RABGEF1: variants seen among roughly 807,000 people sequenced by gnomAD.
RABGEF1 encodes the protein RAB guanine nucleotide exchange factor 1.
Under a neutral mutation model 57.3 loss-of-function variants are expected in RABGEF1, and 26 were observed. The ratio of observed to expected loss-of-function variants is 0.45; its 90% CI spans 0.33 to 0.63. RABGEF1 has a LOEUF of 0.63. Ranked by LOEUF, RABGEF1 falls within the 20% of genes least tolerant of loss-of-function variation. The pLI, the probability that RABGEF1 is intolerant of heterozygous loss-of-function variation, is 0.02. For missense variants in RABGEF1, 464 were observed against 607.6 expected, an observed-to-expected ratio of 0.76 and a Z score of 2.48; for synonymous variants, 185 against 210.7, an observed-to-expected ratio of 0.88 and a Z score of 1.06.
At chr7:66,700,264 C>T (rs1356461072) in intron 1 of RABGEF1, among the ~76,000 whole-genome samples, 3 of 152,396 alleles carry the variant, frequency 2.0e-5, no homozygotes, top group African/African-American at 4.8e-5. Context: ...GACAGCCCTA[C>T]TGGGCCGGAG....
chr7:66,681,990 A>G (rs1789786873), upstream of RABGEF1, among the ~76,000 whole-genome samples: 1 of 152,226 alleles, frequency 6.6e-6, no homozygotes, highest in Non-Finnish European at 1.5e-5. Flanking sequence ...CTTGGGCGTC[A>G]GAGCGGCACC....
rs538257963 is a variant in RABGEF1, at chr7:66,714,611, G to A, written c.-815+2387G>A. On this transcript the variant is annotated intron_variant and NMD_transcript_variant, in intron 2 of 9. Transcript: ENST00000607882. ...ACTTCCTTCTTTGTGCTTACCTTGG[G>A]TTGATTTTACTCTTTTTATAGTTTC... Among the ~76,000 whole-genome samples, 533 of 152,166 alleles carry A rather than the reference G, an allele frequency of 3.5e-3. 1 individual carries two copies. Among genetic ancestry groups the A allele is most frequent in the Non-Finnish European group, 5.9e-3 (398 of 68,004 alleles).
intron 2 of RABGEF1, among the ~76,000 whole-genome samples, chr7:66,718,777 A>G (rs1215006171): frequency 6.6e-6 from 1 of 152,200 alleles, no homozygotes; most frequent in Non-Finnish European, 1.5e-5. Flanking sequence ...TTAGGATCAA[A>G]TGCACACACA....
intron 7 of RABGEF1, among the ~76,000 whole-genome samples, chr7:66,799,947 T>C (rs1458432694): frequency 7.2e-5 from 11 of 152,210 alleles, no homozygotes; most frequent in Admixed American, 5.9e-4. Flanking sequence ...ACTGCCGTTC[T>C]AGACAGGTCC....
intron 1 of RABGEF1, among the ~76,000 whole-genome samples, chr7:66,684,212 G>A (rs766634687): frequency 6.6e-6 from 1 of 152,074 alleles, no homozygotes; most frequent in Non-Finnish European, 1.5e-5. Context: ...TTGGGAGGCC[G>A]AGGCGGTTGG....
the RABGEF1 span, among the ~76,000 whole-genome samples, chr7:66,671,244 C>T: frequency 6.6e-6 from 1 of 152,108 alleles, no homozygotes; most frequent in South Asian, 2.1e-4. Flanking sequence ...TCACCAGTGC[C>T]ATCATAGCTC....
intron 1 of RABGEF1, among the ~76,000 whole-genome samples, chr7:66,746,699 C>G (rs927139471): frequency 6.9e-6 from 1 of 145,286 alleles, no homozygotes; most frequent in Non-Finnish European, 1.5e-5. Flanking sequence ...TCTCTACTCA[C>G]TGCAACTTCC....
intron 1 of RABGEF1, among the ~76,000 whole-genome samples, chr7:66,691,086 A>G (rs1424093175): frequency 6.6e-6 from 1 of 152,084 alleles, no homozygotes; most frequent in Non-Finnish European, 1.5e-5. Context: ...GCGAGCCTCC[A>G]TCTCAAAAAA....
the RABGEF1 span, among the ~76,000 whole-genome samples, chr7:66,671,745 C>T: frequency 6.6e-6 from 1 of 151,476 alleles, no homozygotes; most frequent in East Asian, 1.9e-4. Context: ...TTGGTTGAGC[C>T]CAGGAGTTGG....
In RABGEF1 at chr7:66,772,220, TTCTTC is replaced by T. The variant is rs377452986; in HGVS notation, c.179+145_179+149del. ...TTAAGGAAAAGGATGTTTTCCTCTC[TTCTTC>T]TCAGTCAGCTTTTAATGAACAGCTT... is the stretch of plus-strand genomic sequence containing the variant. On this transcript the variant is annotated intron_variant, in intron 2 of 8. Transcript: ENST00000284957. The T allele has an allele frequency of 9.5e-4, 548 of 575,718 alleles. 1 individual carries two copies. In the African/African-American group the frequency reaches 9.7e-3, roughly 10 times the overall value. The allele number at this position is 575,718 out of a possible 1,614,324, so 35.7% of individuals were successfully genotyped here. A position where few individuals can be genotyped will look rare whatever the true frequency, so the allele number is the denominator to read the frequency against.
intron 4 of RABGEF1, among the ~76,000 whole-genome samples, chr7:66,791,718 CCT>C (rs528002596): frequency 1.3e-5 from 2 of 152,266 alleles, no homozygotes; most frequent in Admixed American, 1.3e-4. Context: ...GTATAGAGTG[CCT>C]CTCAGCATAA....
At chr7:66,769,589 C>T (rs1386390547) in intron 1 of RABGEF1, among the ~76,000 whole-genome samples, 4 of 152,128 alleles carry the variant, frequency 2.6e-5, no homozygotes, top group South Asian at 2.1e-4. Flanking sequence ...TTGGCCTGGA[C>T]GTAGATGCAT....
chr7:66,753,611 G>C (rs919684200), intron 1 of RABGEF1, among the ~76,000 whole-genome samples: 6 of 149,860 alleles, frequency 4.0e-5, no homozygotes, highest in Admixed American at 1.3e-4. Context: ...TTCCCTTTCA[G>C]TTTGAAGAGC....
intron 7 of RABGEF1, among the ~76,000 whole-genome samples, chr7:66,801,032 G>A (rs1787171582): frequency 6.6e-6 from 1 of 152,234 alleles, no homozygotes; most frequent in Admixed American, 6.5e-5. Context: ...TACGAGGTCT[G>A]TTGAAGAGAA....
At chr7:66,722,184 G>A (rs1045538729) in intron 2 of RABGEF1, among the ~76,000 whole-genome samples, 21 of 152,106 alleles carry the variant, frequency 1.4e-4, no homozygotes, top group Admixed American at 1.0e-3. Flanking sequence ...GCTCACGCCT[G>A]TAATCCCAGC....
chr7:66,678,969 C>T (rs1789499400), upstream of RABGEF1, among the ~76,000 whole-genome samples: 1 of 152,184 alleles, frequency 6.6e-6, no homozygotes, highest in South Asian at 2.1e-4. Context: ...TAACCAACAT[C>T]AAAATTAGCA....
At chr7:66,753,396 A>C (rs1801891058) in intron 1 of RABGEF1, among the ~76,000 whole-genome samples, 1 of 152,206 alleles carries the variant, frequency 6.6e-6, no homozygotes, top group African/African-American at 2.4e-5. Context: ...TGTAGAGTTT[A>C]CAACAATTCT....
the RABGEF1 span, among the ~76,000 whole-genome samples, chr7:66,666,626 G>T: frequency 3.9e-5 from 6 of 152,336 alleles, no homozygotes; most frequent in South Asian, 1.0e-3. Context: ...GAGCCTCTGG[G>T]GTCCCTGGCC....
At chr7:66,703,864 T>A (rs1347511748) in intron 1 of RABGEF1, among the ~76,000 whole-genome samples, 1 of 152,238 alleles carries the variant, frequency 6.6e-6, no homozygotes, top group Non-Finnish European at 1.5e-5. Flanking sequence ...TTGCACTGAA[T>A]CTGTAGATCA....
Sources: allele counts gnomAD v4.1 joint callset (sites outside exome capture counted in the v4.1 genomes callset), GRCh38; gene constraint gnomAD v4.1.1; transcripts MANE v1.5; gene names NCBI Gene and HGNC (gene_info 2026-07-23, HGNC 2026-07-21).